The following PIGR variants were observed in gnomAD, a reference collection of about 807,000 sequenced individuals.
The protein encoded by PIGR is hepatocellular carcinoma associated protein TB6.
In PIGR, 22 loss-of-function variants were observed where a neutral mutation model predicts 69.5. That is an observed-to-expected ratio of 0.32 (90% CI 0.23 to 0.45). The LOEUF is 0.45. Among genes scored for constraint, PIGR ranks in the 20% least tolerant of loss-of-function variants. The pLI is 1.00. For missense variants in PIGR, 885 were observed against 974.0 expected (o/e 0.91, Z 1.22); for synonymous variants, 413 against 407.6 (o/e 1.01, Z -0.16).
Position 206,933,051 on chromosome 1 carries a change from C to T in PIGR, c.1821G>A (p.Glu607=). Residue 607 remains glutamate, a synonymous_variant, in exon 7 of 11, where the codon GAG becomes GAA. Coordinates refer to ENST00000356495, the MANE Select transcript of PIGR (RefSeq NM_002644.4). ...CTCTTGTATCTGCCACCGCCTTTTC[C>T]TCTGCAAAAAGCCTGGGATCCTGAA... ...KAIQDPRLFA[E]EKAVADTRDQ... is the part of the protein sequence containing the mutation. The T allele has an allele frequency of 1.2e-6, 2 of 1,614,202 alleles. No homozygotes were observed. The highest frequency in any genetic ancestry group is 1.7e-6 in the Non-Finnish European group (2 of 1,180,036).
At position 206,933,084 on chromosome 1, in the gene PIGR, G is replaced by C. The variant is rs1679791609; in HGVS notation, c.1788C>G (p.Asn596Lys). 1 of 1,614,204 alleles carries C rather than the reference G, an allele frequency of 6.2e-7. No individual in the cohort carries two copies. Among genetic ancestry groups the C allele is most frequent in the Non-Finnish European group, 8.5e-7 (1 of 1,180,032 alleles). The change falls in exon 7 of 11, where the codon AAC becomes AAG. Residue 596 changes from asparagine to lysine, a missense_variant. Transcript: ENST00000356495. ...VLDSGFREIE[N>K]KAIQDPRLFA... is the part of the protein sequence containing the mutation. ...AAAGCCTGGGATCCTGAATGGCTTT[G>C]TTCTCAATCTCCCGAAAACCAGAGT... is the stretch of plus-strand genomic sequence containing the variant.
In PIGR at chr1:206,933,133, G is replaced by A. The variant is rs291102; in HGVS notation, c.1739C>T (p.Ala580Val). The part of the protein sequence containing the change: ...SRDVSLAKAD[A>V]APDEKVLDSG... ...GTCTAGCACCTTCTCATCAGGAGCA[G>A]CGTCTGCCTTCGCTAGGCTGACATC... The change falls in exon 7 of 11, where the codon GCT (alanine) becomes GTT (valine). Residue 580 changes from alanine to valine, a missense_variant. Ala to Val is a moderately conservative substitution (Grantham distance 64). Coordinates refer to ENST00000356495, the MANE Select transcript of PIGR (RefSeq NM_002644.4). The A allele has an allele frequency of 0.069, 110,645 of 1,613,980 alleles. 20,518 individuals are homozygous for A. Among genetic ancestry groups the A allele is most frequent in the African/African-American group, 0.68 (50,885 of 74,924 alleles).
intron 1 of PIGR, among the ~76,000 whole-genome samples, chr1:206,941,188 A>G (rs536460733): frequency 1.3e-5 from 2 of 152,164 alleles, no homozygotes; most frequent in African/African-American, 4.8e-5. Context: ...TGAGGTTAGT[A>G]TCCTTATCCA....
At chr1:206,934,811 G>T in intron 5 of PIGR, 65 bp from the exon 6 acceptor site, 1 of 1,144,164 alleles carries the variant, frequency 8.7e-7, no homozygotes, top group South Asian at 1.4e-5. Context: ...GCAGGGAAGT[G>T]ACTCTGGTGG....
At position 206,931,653 on chromosome 1, in the gene PIGR, C is replaced by G; in HGVS notation, c.2140+18G>C. ...ACTCTCCCCAGGGGCTGAGCATTCC[C>G]TTGAGTGAGGGTCATACCTTCTTTT... On this transcript the variant is annotated intron_variant, in intron 9 of 10. Coordinates refer to ENST00000356495, the MANE Select transcript of PIGR (RefSeq NM_002644.4). The G allele has an allele frequency of 6.2e-7, 1 of 1,614,146 alleles. No individual in the cohort carries two copies.
At position 206,935,900 on chromosome 1, in the gene PIGR, G is replaced by A. The variant is rs971094698; in HGVS notation, c.1046-82C>T. The A allele has an allele frequency of 1.9e-6, 2 of 1,034,074 alleles. No homozygotes were observed. Among genetic ancestry groups the A allele is most frequent in the African/African-American group, 1.6e-5 (1 of 63,568 alleles). The allele number at this position is 1,034,074 out of a possible 1,614,324, so 64.1% of individuals were successfully genotyped here. ...TGGCCTGAGAAGCCTTCTTCCCGGG[G>A]TCTCAGCCAGGATGGGGAGTGAAGT... On this transcript the variant is annotated intron_variant, in intron 4 of 10. Transcript: ENST00000356495. The surrounding 1 kb of genome is among the most constrained non-coding windows in gnomAD (Gnocchi z 4.4).
chr1:206,934,315 G>T, intron 6 of PIGR, 105 bp downstream of exon 6: 1 of 1,006,640 alleles, frequency 9.9e-7, no homozygotes, highest in South Asian at 1.7e-5. Flanking sequence ...GCCTCTTACA[G>T]CCAAACATAG....
Position 206,934,470 on chromosome 1 carries a change from T to C in PIGR, c.1655A>G (p.Tyr552Cys), listed in dbSNP as rs749007578. The C allele has an allele frequency of 4.3e-6, 7 of 1,614,044 alleles. No homozygotes were observed. The highest frequency in any genetic ancestry group is 2.7e-5 in the African/African-American group (2 of 74,906). Residue 552 changes from tyrosine (Y) to cysteine (C), a missense_variant, in exon 6 of 11, where the codon TAT (tyrosine) becomes TGT (cysteine). Tyr to Cys is a radical substitution (Grantham distance 194). Transcript: ENST00000356495. ...CACATAGACGGCTGCAGTCTCTCCA[T>C]AGAAGTGGCCCTGCTTCACTCCACA... Reference protein sequence around the residue: ...YWCGVKQGHFYGETAAVYVAV... With the variant: ...YWCGVKQGHFCGETAAVYVAV...
At chr1:206,933,957 C>CCT (rs1434150674) in intron 6 of PIGR, among the ~76,000 whole-genome samples, 2 of 151,942 alleles carry the variant, frequency 1.3e-5, no homozygotes, top group African/African-American at 4.8e-5. Context: ...GCAACCCCTG[C>CCT]CTCTTGGGTT....
chr1:206,930,421 G>T lies in PIGR; in HGVS notation c.2200-8C>A. 1 of 1,612,424 alleles carries T rather than the reference G, an allele frequency of 6.2e-7. No individual in the cohort carries two copies. The highest frequency in any genetic ancestry group is 8.5e-7 in the Non-Finnish European group (1 of 1,179,200). ...GGCTTCCTCCTTGGATGACTAAGGGGCAAGAGGAGAGGCATCAGTGTTGGG... is the reference window on the plus strand; with the variant it reads ...GGCTTCCTCCTTGGATGACTAAGGGTCAAGAGGAGAGGCATCAGTGTTGGG... On this transcript the variant is annotated splice_region_variant and splice_polypyrimidine_tract_variant and intron_variant, in intron 10 of 10. Transcript: ENST00000356495. This position sits in a 1 kb window ranked among gnomAD's most constrained non-coding sequence, Gnocchi z 4.3.
chr1:206,931,304 C>T, intron 10 of PIGR, 193 bp downstream of exon 10: 1 of 1,463,564 alleles, frequency 6.8e-7, no homozygotes, highest in South Asian at 1.5e-5. Flanking sequence ...GGGCCTTATC[C>T]ACATCAGCAT....
At chr1:206,945,036 C>T (rs1405108829) in intron 1 of PIGR, among the ~76,000 whole-genome samples, 1 of 152,186 alleles carries the variant, frequency 6.6e-6, no homozygotes, top group Non-Finnish European at 1.5e-5. Context: ...TTTTTATCAC[C>T]TAAAGCCACA....
At chr1:206,931,372 ATT>A in intron 10 of PIGR, 123 bp downstream of exon 10, 1 of 1,597,562 alleles carries the variant, frequency 6.3e-7, no homozygotes. Context: ...CCTGAGGACT[ATT>A]TATATCATCC....
rs1679684786 is a variant in PIGR at position 206,929,465 on chromosome 1, T to A, written c.*853A>T. On this transcript the variant is annotated 3_prime_UTR_variant, in exon 11 of 11. Coordinates refer to ENST00000356495, the MANE Select transcript of PIGR (RefSeq NM_002644.4). ...GGGAGGGTGAGGCAGGAGAATGGTG[T>A]CAACCTGGGAGGCGGAGGTTGCAGT... The A allele has an allele frequency of 6.6e-6, 1 of 151,636 alleles. No individual in the cohort carries two copies. Among genetic ancestry groups the A allele is most frequent in the African/African-American group, 2.4e-5 (1 of 41,220 alleles). 9.4% of individuals were successfully genotyped at this position (151,636 alleles called of 1,614,324 possible).
intron 1 of PIGR, among the ~76,000 whole-genome samples, chr1:206,942,626 G>A (rs887031554): frequency 3.9e-5 from 6 of 152,214 alleles, no homozygotes; most frequent in African/African-American, 1.4e-4. Flanking sequence ...AGCTGAGCTG[G>A]GGGATGCAGC....
chr1:206,937,817 A>G, intron 3 of PIGR, 66 bp from the exon 4 acceptor site: 1 of 1,398,938 alleles, frequency 7.1e-7, no homozygotes, highest in Admixed American at 1.9e-5. Context: ...GCAACATAGG[A>G]CTATTTGCTA....
At chr1:206,942,982 TA>T (rs1268357147) in intron 1 of PIGR, among the ~76,000 whole-genome samples, 1 of 152,178 alleles carries the variant, frequency 6.6e-6, no homozygotes, top group Non-Finnish European at 1.5e-5. Context: ...ATTTCTCTAG[TA>T]GCATTTGAAA....
intron 7 of PIGR, 26 bp from the exon 8 acceptor site, chr1:206,932,603 T>A: frequency 6.3e-7 from 1 of 1,595,472 alleles, no homozygotes; most frequent in Non-Finnish European, 8.5e-7. Context: ...AGTTAGTTCA[T>A]CCCTGGAAGG....
At chr1:206,945,081 G>C (rs1194824619) in intron 1 of PIGR, among the ~76,000 whole-genome samples, 1 of 152,186 alleles carries the variant, frequency 6.6e-6, no homozygotes, top group Non-Finnish European at 1.5e-5. Context: ...AGCAGAGAGA[G>C]TTGCTTTCCT....
Sources: allele counts gnomAD v4.1 joint callset (sites outside exome capture counted in the v4.1 genomes callset), GRCh38; gene constraint gnomAD v4.1.1; non-coding constraint Gnocchi (gnomAD v3.1); transcripts MANE v1.5; gene names NCBI Gene and HGNC (gene_info 2026-07-23, HGNC 2026-07-21).